Variants in CPT1A observed in about 807,000 individuals in gnomAD.
CPT1A encodes carnitine palmitoyltransferase 1A, also known as carnitine O-palmitoyltransferase 1, liver isoform.
CPT1A carries 64 observed loss-of-function variants against 100.8 expected under a neutral mutation model. That is an observed-to-expected ratio of 0.63 (90% CI 0.52 to 0.78). The LOEUF is 0.78. Among genes scored for constraint, CPT1A ranks in the 30% least tolerant of loss-of-function variants. The probability of loss-of-function intolerance (pLI) is 0.00; values close to 1 mark genes in which losing one functional copy is unlikely to be tolerated. For missense variants in CPT1A, 802 were observed against 1,034.1 expected (o/e 0.78, Z 3.08); for synonymous variants, 363 against 396.0 (o/e 0.92, Z 0.99).
At chr11:68,788,076 G>A (rs982778910) in intron 9 of CPT1A, among the ~76,000 whole-genome samples, 6 of 152,134 alleles carry the variant, frequency 3.9e-5, no homozygotes, top group Admixed American at 3.9e-4. Context: ...CCTTGATGTT[G>A]GAGTTCCAGC....
intron 1 of CPT1A, among the ~76,000 whole-genome samples, chr11:68,826,328 C>T (rs1164086836): frequency 6.6e-6 from 1 of 152,122 alleles, no homozygotes; most frequent in African/African-American, 2.4e-5. Context: ...CGCCTGTATT[C>T]CCAGCTAACT....
intron 1 of CPT1A, among the ~76,000 whole-genome samples, chr11:68,821,046 G>T (rs1296271267): frequency 6.6e-6 from 1 of 152,206 alleles, no homozygotes; most frequent in Non-Finnish European, 1.5e-5. Context: ...CCAGGTGGGA[G>T]TTCAGTGGTG....
At chr11:68,807,904 G>A (rs1467341764) in intron 3 of CPT1A, among the ~76,000 whole-genome samples, 8 of 152,262 alleles carry the variant, frequency 5.3e-5, no homozygotes, top group African/African-American at 1.9e-4. Flanking sequence ...TCTTCCCAGA[G>A]GTCCCTTCAG....
rs1157622029 is a variant in CPT1A, at chr11:68,812,368, AAG to A, written c.281+67_281+68del. ...AGAACAGTGACAATCATCACATTTG[AAG>A]AGACATAAAAACAGCAATAAAATCG... On this transcript the variant is annotated intron_variant, in intron 3 of 18. Coordinates refer to ENST00000265641, the MANE Select transcript of CPT1A (RefSeq NM_001876.4). 1.9e-6 allele frequency: 3 copies of A among 1,574,980 alleles called. No homozygotes were observed. The Admixed American group carries it at 5.0e-5, about 26-fold the overall frequency.
upstream of CPT1A, among the ~76,000 whole-genome samples, chr11:68,842,587 A>G (rs913787457): frequency 6.6e-6 from 1 of 152,210 alleles, no homozygotes; most frequent in African/African-American, 2.4e-5. Context: ...CTAGGATAAA[A>G]ATGCCTCACT....
chr11:68,802,595 G>A (rs879851628), intron 5 of CPT1A, among the ~76,000 whole-genome samples: 1 of 152,018 alleles, frequency 6.6e-6, no homozygotes, highest in East Asian at 1.9e-4. Context: ...TTAGCCAGGC[G>A]TGGTGGCAGG....
intron 1 of CPT1A, among the ~76,000 whole-genome samples, chr11:68,832,741 C>T (rs1334933651): frequency 6.6e-5 from 10 of 152,248 alleles, no homozygotes; most frequent in African/African-American, 2.4e-4. Context: ...CAGGAGCAGG[C>T]TCTGCTTTCT....
intron 14 of CPT1A, among the ~76,000 whole-genome samples, chr11:68,768,066 CTTTTTTTTTTTTTTTT>C (rs71043448): frequency 1.7e-4 from 12 of 71,244 alleles, no homozygotes; most frequent in African/African-American, 2.4e-4. Context: ...AGTTTCCAGT[CTTTTTTTTTTTTTTTT>C]TTTTTTTTTT....
chr11:68,804,398 A>G (rs1435824969), intron 4 of CPT1A, among the ~76,000 whole-genome samples: 1 of 152,130 alleles, frequency 6.6e-6, no homozygotes, highest in Non-Finnish European at 1.5e-5. Context: ...CATGCCAATA[A>G]AAGCCTGGGC....
At chr11:68,805,639 G>A (rs150438201) in intron 4 of CPT1A, among the ~76,000 whole-genome samples, 1 of 152,226 alleles carries the variant, frequency 6.6e-6, no homozygotes, top group East Asian at 1.9e-4. Context: ...CAAGGTCGGG[G>A]CAGACAAGAA....
intron 1 of CPT1A, among the ~76,000 whole-genome samples, chr11:68,827,194 G>A (rs932793780): frequency 2.0e-5 from 3 of 152,060 alleles, no homozygotes; most frequent in Admixed American, 2.0e-4. Flanking sequence ...TAAACCAGGC[G>A]CGGTGGTGAG....
At chr11:68,843,376 C>A (rs1857195952), upstream of CPT1A, among the ~76,000 whole-genome samples, 1 of 140,222 alleles carries the variant, frequency 7.1e-6, no homozygotes, top group African/African-American at 2.6e-5. This position sits in a 1 kb window ranked among gnomAD's most constrained non-coding sequence, Gnocchi z 4.0. Context: ...CCCCACCCCA[C>A]CATTGCAGGT....
At chr11:68,802,787 C>G (rs1474912437) in intron 5 of CPT1A, among the ~76,000 whole-genome samples, 1 of 149,782 alleles carries the variant, frequency 6.7e-6, no homozygotes, top group Non-Finnish European at 1.5e-5. Context: ...GTCCCAGCTA[C>G]TCAGGAGGCT....
intron 5 of CPT1A, among the ~76,000 whole-genome samples, chr11:68,800,409 G>A (rs1855872614): frequency 6.6e-6 from 1 of 151,410 alleles, no homozygotes; most frequent in African/African-American, 2.4e-5. Context: ...GAGAGGCTGA[G>A]GTATGAAGAG....
chr11:68,785,046 A>G lies in CPT1A; in HGVS notation c.968-36T>C, dbSNP rs1444608547. 1.9e-6 allele frequency: 3 copies of G among 1,603,760 alleles called. No individual in the cohort carries two copies. The Admixed American group carries it at 5.0e-5, about 27-fold the overall frequency. Reference sequence around the variant, plus strand: ...CGCAGGTTGGAGACACAAAACCAAGAGTCCCAAGTTCAGCACGTGCTGAGA... The same window carrying G: ...CGCAGGTTGGAGACACAAAACCAAGGGTCCCAAGTTCAGCACGTGCTGAGA... On this transcript the variant is annotated intron_variant, in intron 9 of 18. Coordinates refer to ENST00000265641, the MANE Select transcript of CPT1A (RefSeq NM_001876.4).
chr11:68,763,011 A>ATT (rs1401769674), intron 14 of CPT1A, among the ~76,000 whole-genome samples: 1 of 151,612 alleles, frequency 6.6e-6, no homozygotes, highest in Admixed American at 6.6e-5. Flanking sequence ...GTGCATGCTA[A>ATT]TTTTTTTAAA....
At chr11:68,790,226 A>G (rs1855577304) in intron 9 of CPT1A, among the ~76,000 whole-genome samples, 1 of 151,940 alleles carries the variant, frequency 6.6e-6, no homozygotes, top group Non-Finnish European at 1.5e-5. Flanking sequence ...ACACACCACT[A>G]TGTCCGACTA....
chr11:68,842,061 C>T (rs1857173779), upstream of CPT1A: 8 of 719,626 alleles, frequency 1.1e-5, no homozygotes, highest in South Asian at 2.5e-4. Flanking sequence ...GCGTCCTCGA[C>T]CTCTGCCGGA....
chr11:68,811,805 T>G (rs925417164), intron 3 of CPT1A, among the ~76,000 whole-genome samples: 4 of 151,694 alleles, frequency 2.6e-5, no homozygotes, highest in Admixed American at 6.6e-5. Flanking sequence ...GCAATAAACA[T>G]GTGCTATCAA....
Sources: allele counts gnomAD v4.1 joint callset (sites outside exome capture counted in the v4.1 genomes callset), GRCh38; gene constraint gnomAD v4.1.1; non-coding constraint Gnocchi (gnomAD v3.1); transcripts MANE v1.5; gene names NCBI Gene and HGNC (gene_info 2026-07-23, HGNC 2026-07-21).